DNAJC21: variants seen among roughly 807,000 people sequenced by gnomAD.
The protein encoded by DNAJC21 is dnaJ homolog subfamily C member 21.
A neutral mutation model predicts 72.4 loss-of-function variants in DNAJC21; 63 were observed. The ratio of observed to expected loss-of-function variants is 0.87; its 90% CI spans 0.71 to 1.07. DNAJC21 has a LOEUF of 1.07. DNAJC21 is among the 50% of genes least tolerant of loss of function. The pLI, the probability that DNAJC21 is intolerant of heterozygous loss-of-function variation, is 0.00. For missense variants in DNAJC21, 634 were observed against 644.8 expected, an observed-to-expected ratio of 0.98 and a Z score of 0.18; for synonymous variants, 203 against 216.7, an observed-to-expected ratio of 0.94 and a Z score of 0.56.
intron 7 of DNAJC21, among the ~76,000 whole-genome samples, chr5:34,943,448 T>C (rs1289042690): frequency 6.6e-6 from 1 of 152,216 alleles, no homozygotes; most frequent in East Asian, 1.9e-4. Flanking sequence ...GTAAAGTCCT[T>C]CTACCCCTCA....
rs1765438674 is a variant in DNAJC21 at position 34,953,357 on chromosome 5, G to A, written c.1359-569G>A. On this transcript the variant is annotated intron_variant, in intron 10 of 11. Transcript: ENST00000648817. ...GCTCACTGCAGTCTCCACCTCCTGG[G>A]TTCAAGTGATTCCCCTGCTCCTCCT... Among the ~76,000 whole-genome samples the A allele has an allele frequency of 2.6e-5, 4 of 151,960 alleles. No individual in the cohort carries two copies. The South Asian group carries it at 8.3e-4, about 32-fold the overall frequency.
intron 9 of DNAJC21, among the ~76,000 whole-genome samples, chr5:34,947,361 G>A (rs1327464453): frequency 6.6e-6 from 1 of 152,126 alleles, no homozygotes; most frequent in Non-Finnish European, 1.5e-5. Context: ...GGTGGTATTG[G>A]TGTGGTATTT....
At position 34,935,828 on chromosome 5, in the gene DNAJC21, G is replaced by A. The variant is rs754727840; in HGVS notation, c.310G>A (p.Glu104Lys). 9 of 1,613,944 alleles carry A rather than the reference G, an allele frequency of 5.6e-6. No individual in the cohort carries two copies. The highest frequency in any genetic ancestry group is 7.6e-6 in the Non-Finnish European group (9 of 1,179,936). Reference sequence around the variant, plus strand: ...CTGTTATTCTGGTTATGGAGATGATGAAAAGGTAAGATAAATGAACTCACC... The same window carrying A: ...CTGTTATTCTGGTTATGGAGATGATAAAAAGGTAAGATAAATGAACTCACC... Reference protein sequence around the residue: ...VTCYSGYGDDEKGFYTVYRNV... With the variant: ...VTCYSGYGDDKKGFYTVYRNV... Residue 104 changes from glutamate to lysine, a missense_variant, in exon 3 of 12, where the codon GAA becomes AAA. Physicochemically the swap from Glu to Lys is moderately conservative, Grantham distance 56 (BLOSUM62 1). Transcript: ENST00000648817.
In DNAJC21 at chr5:34,937,527, G is replaced by A; in HGVS notation, c.640G>A (p.Asp214Asn). Reference sequence around the variant, plus strand: ...GCTGGTAGCTTTCATTCGTAAAAGAGATAAAAGAGTGCAGGCGCATCGAAA... The same window carrying A: ...GCTGGTAGCTTTCATTCGTAAAAGAAATAAAAGAGTGCAGGCGCATCGAAA... The part of the protein sequence containing the change: ...RQLVAFIRKR[D>N]KRVQAHRKLV... Residue 214 changes from aspartate (D) to asparagine (N), a missense_variant, in exon 5 of 12, where the codon GAT becomes AAT. Transcript: ENST00000648817. The A allele has an allele frequency of 6.2e-7, 1 of 1,614,112 alleles. No individual in the cohort carries two copies. Among genetic ancestry groups the A allele is most frequent in the South Asian group, 1.1e-5 (1 of 91,088 alleles).
chr5:34,945,038 A>G lies in DNAJC21; in HGVS notation c.1142+13A>G, dbSNP rs1267273880. 1.9e-6 allele frequency: 3 copies of G among 1,608,310 alleles called. No individual in the cohort carries two copies. The highest frequency in any genetic ancestry group is 3.4e-5 in the Admixed American group (2 of 58,188). On this transcript the variant is annotated intron_variant, in intron 8 of 11. Coordinates refer to ENST00000648817, the MANE Select transcript of DNAJC21 (RefSeq NM_001012339.3). The stretch of plus-strand genomic sequence containing the variant: ...CACCAAAACAAAAGTACTTCTAAAT[A>G]TTAAATGTCACTAGAAATACTTATC...
rs1468322273 is a variant in DNAJC21, at chr5:34,956,027, T to TG, written c.*1316dup. 1.7e-5 allele frequency: 2 copies of TG among 116,158 alleles called. No homozygotes were observed. The highest frequency in any genetic ancestry group is 6.9e-5 in the African/African-American group (2 of 29,084). The allele number at this position is 116,158 out of a possible 1,614,324, so 7.2% of individuals were successfully genotyped here. A position where few individuals can be genotyped will look rare whatever the true frequency, so the allele number is the denominator to read the frequency against. On this transcript the variant is annotated 3_prime_UTR_variant, in exon 12 of 12. Coordinates refer to ENST00000648817, the MANE Select transcript of DNAJC21 (RefSeq NM_001012339.3). ...GAGATCCCGCCACTGCACTCCAGCC[T>TG]GGGCGACAGAGCGAGACTCCGTCTC...
At position 34,944,931 on chromosome 5, in the gene DNAJC21, G is replaced by A. The variant is rs1222912705; in HGVS notation, c.1048G>A (p.Glu350Lys). The change falls in exon 8 of 12, where the codon GAG becomes AAG. Residue 350 changes from glutamate to lysine, a missense_variant. Glu to Lys is a moderately conservative substitution (Grantham distance 56). Transcript: ENST00000648817. ...EMVALLKQQLEEEEENFSRPQ... is the reference protein window; with the variant it reads ...EMVALLKQQLKEEEENFSRPQ... ...GGTGGCCTTGCTAAAACAACAGCTG[G>A]AGGAGGAAGAAGAAAATTTTTCAAG... 6.2e-7 allele frequency: 1 copy of A among 1,613,972 alleles called. No homozygotes were observed.
chr5:34,936,343 T>C, intron 4 of DNAJC21, 77 bp downstream of exon 4: 1 of 1,527,718 alleles, frequency 6.5e-7, no homozygotes, highest in Non-Finnish European at 8.9e-7. Flanking sequence ...CTTTTTGAGA[T>C]GGTCTCACTC....
chr5:34,941,790 C>T (rs1302192524), intron 7 of DNAJC21, among the ~76,000 whole-genome samples: 1 of 151,936 alleles, frequency 6.6e-6, no homozygotes, highest in Non-Finnish European at 1.5e-5. Flanking sequence ...TGGTCTCAAA[C>T]TCCTGGCCTC....
chr5:34,933,763 A>T, intron 1 of DNAJC21, 52 bp from the exon 2 acceptor site: 1 of 1,458,758 alleles, frequency 6.9e-7, no homozygotes, highest in Non-Finnish European at 9.5e-7. Flanking sequence ...TGTCTTATTT[A>T]GATTCTGTCC....
chr5:34,948,375 C>T (rs936490360), intron 9 of DNAJC21, among the ~76,000 whole-genome samples: 2 of 152,110 alleles, frequency 1.3e-5, no homozygotes, highest in Admixed American at 6.6e-5. Flanking sequence ...GAAAGTGGAA[C>T]GTGAGCCTAG....
At chr5:34,946,535 A>T (rs1765179295) in intron 9 of DNAJC21, among the ~76,000 whole-genome samples, 1 of 152,154 alleles carries the variant, frequency 6.6e-6, no homozygotes, top group Non-Finnish European at 1.5e-5. Context: ...AAATGGTTAT[A>T]ATAATATATT....
At chr5:34,937,724 C>T in intron 5 of DNAJC21, 94 bp downstream of exon 5, 3 of 1,433,542 alleles carry the variant, frequency 2.1e-6, no homozygotes, top group Non-Finnish European at 2.8e-6. Context: ...GTTCAGTCAT[C>T]AGCCTGGCTT....
intron 7 of DNAJC21, 67 bp downstream of exon 7, chr5:34,941,250 T>C: frequency 2.1e-6 from 3 of 1,430,104 alleles, no homozygotes; most frequent in Non-Finnish European, 9.7e-7. Context: ...AAGGCAGGAG[T>C]GCAGTGGCAC....
At chr5:34,947,763 A>G (rs1042223084) in intron 9 of DNAJC21, among the ~76,000 whole-genome samples, 1 of 149,064 alleles carries the variant, frequency 6.7e-6, no homozygotes, top group African/African-American at 2.5e-5. Flanking sequence ...TCTGTGCCGT[A>G]TTCTGTTCTG....
At chr5:34,947,105 A>G (rs1200156583) in intron 9 of DNAJC21, among the ~76,000 whole-genome samples, 1 of 152,152 alleles carries the variant, frequency 6.6e-6, no homozygotes, top group Non-Finnish European at 1.5e-5. Context: ...GAGTATCTTG[A>G]AACTTGAGAT....
intron 7 of DNAJC21, among the ~76,000 whole-genome samples, chr5:34,942,122 G>A (rs150046479): frequency 2.0e-5 from 3 of 152,126 alleles, no homozygotes; most frequent in African/African-American, 7.2e-5. Context: ...AGTCACATGG[G>A]CAAAAAGTCT....
At chr5:34,949,803 C>T (rs564567184) in intron 9 of DNAJC21, 428 of 1,484,702 alleles carry the variant, frequency 2.9e-4, no homozygotes, top group Non-Finnish European at 3.6e-4. Flanking sequence ...AAGTATCATC[C>T]TTAATTTTAC....
At chr5:34,950,091 A>G (rs1765309657) in intron 9 of DNAJC21, 79 bp from the exon 10 acceptor site, 2 of 1,447,756 alleles carry the variant, frequency 1.4e-6, no homozygotes, top group African/African-American at 1.4e-5. Context: ...AAGGTATATA[A>G]CTATTTGGCA....
Sources: gnomAD v4.1 joint callset for allele counts (sites outside exome capture counted in the v4.1 genomes callset) on GRCh38, gnomAD v4.1.1 for gene constraint, MANE v1.5 for transcripts, NCBI Gene and HGNC (gene_info 2026-07-23, HGNC 2026-07-21) for gene names.